Variants in HSD17B12 observed in about 807,000 individuals in gnomAD.
The protein encoded by HSD17B12 is hydroxysteroid 17-beta dehydrogenase 12, also known as very-long-chain 3-oxoacyl-CoA reductase.
A neutral mutation model predicts 39.3 loss-of-function variants in HSD17B12; 32 were observed. That is an observed-to-expected ratio of 0.81 (90% confidence interval 0.61 to 1.09). HSD17B12 has a LOEUF of 1.09. Among genes scored for constraint, HSD17B12 ranks in the 50% least tolerant of loss-of-function variants. HSD17B12 has a pLI of 0.00. For missense variants in HSD17B12, 342 were observed against 382.9 expected, an observed-to-expected ratio of 0.89 and a Z score of 0.89; for synonymous variants, 150 against 146.7, an observed-to-expected ratio of 1.02 and a Z score of -0.16.
At chr11:43,727,969 G>C (rs1950235808) in intron 1 of HSD17B12, among the ~76,000 whole-genome samples, 1 of 151,996 alleles carries the variant, frequency 6.6e-6, no homozygotes, top group Non-Finnish European at 1.5e-5. Flanking sequence ...TTCTGTCTGA[G>C]GCTTTAAATA....
At chr11:43,696,607 G>A (rs2134796445) in intron 1 of HSD17B12, among the ~76,000 whole-genome samples, 1 of 152,294 alleles carries the variant, frequency 6.6e-6, no homozygotes, top group East Asian at 1.9e-4. Context: ...AGACAGTGTG[G>A]CAGTTCCTCA....
chr11:43,772,630 T>C lies in HSD17B12; in HGVS notation c.283+18509T>C, dbSNP rs192405210. 3.9e-3 allele frequency among the ~76,000 whole-genome samples: 589 copies of C among 152,308 alleles called. 9 individuals are homozygous for C. Among genetic ancestry groups the C allele is most frequent in the Non-Finnish European group, 9.6e-4 (65 of 68,030 alleles). ...ACAGACTTTTAGGAGTGTTAATATATTTAAAAAGCAAGTAAAATGCCGATG... is the reference window on the plus strand; with the variant it reads ...ACAGACTTTTAGGAGTGTTAATATACTTAAAAAGCAAGTAAAATGCCGATG... On this transcript the variant is annotated intron_variant, in intron 3 of 10. Transcript: ENST00000278353.
intron 3 of HSD17B12, among the ~76,000 whole-genome samples, chr11:43,771,517 A>G (rs1235134295): frequency 8.2e-6 from 1 of 121,284 alleles, no homozygotes; most frequent in African/African-American, 3.3e-5. Flanking sequence ...CCTAGGCTGG[A>G]GTGCAGTGGG....
upstream of HSD17B12, among the ~76,000 whole-genome samples, chr11:43,679,766 A>G (rs1949723359): frequency 6.6e-6 from 1 of 152,052 alleles, no homozygotes; most frequent in Admixed American, 6.6e-5. Context: ...CAGTTATTAG[A>G]CTCCATCAGG....
chr11:43,807,187 C>T (rs751070449), intron 4 of HSD17B12, among the ~76,000 whole-genome samples: 7 of 152,132 alleles, frequency 4.6e-5, no homozygotes, highest in Non-Finnish European at 7.3e-5. Context: ...ACAAAACAGA[C>T]ACTGTTTCTG....
At position 43,831,809 on chromosome 11, in the gene HSD17B12, G is replaced by T. The variant is rs185692476; in HGVS notation, c.536+799G>T. The stretch of plus-strand genomic sequence containing the variant: ...CCCAGAGGAATCACAGCTTTGAAAA[G>T]GGAAGACCCAAGGACCCTACTTCTG... On this transcript the variant is annotated intron_variant, in intron 7 of 10. Coordinates refer to ENST00000278353, the MANE Select transcript of HSD17B12 (RefSeq NM_016142.3). The surrounding 1 kb of genome is among the most constrained non-coding windows in gnomAD (Gnocchi z 4.1). Among the ~76,000 whole-genome samples, 1 of 152,294 alleles carries T rather than the reference G, an allele frequency of 6.6e-6. No homozygotes were observed. Among genetic ancestry groups the T allele is most frequent in the East Asian group, 1.9e-4 (1 of 5,186 alleles).
the HSD17B12 span, chr11:43,673,480 TTCTTTTCTTTTC>T: frequency 3.4e-4 from 19 of 56,680 alleles, no homozygotes; most frequent in Non-Finnish European, 5.9e-4. Flanking sequence ...TTCTTTTCTT[TTCTTTTCTTTTC>T]TTTTTTTTTT....
At chr11:43,690,396 A>AT (rs1565049786) in intron 1 of HSD17B12, among the ~76,000 whole-genome samples, 1 of 27,416 alleles carries the variant, frequency 3.6e-5, no homozygotes, top group Non-Finnish European at 5.7e-5. Flanking sequence ...ATATATATAT[A>AT]TATATATATT....
At chr11:43,797,220 C>T (rs1036147610) in intron 3 of HSD17B12, among the ~76,000 whole-genome samples, 28 of 152,172 alleles carry the variant, frequency 1.8e-4, no homozygotes, top group African/African-American at 6.3e-4. Flanking sequence ...ATCCTGCATG[C>T]TCTGTGATGA....
the HSD17B12 span, among the ~76,000 whole-genome samples, chr11:43,568,920 A>C: frequency 1.6e-4 from 25 of 152,228 alleles, no homozygotes; most frequent in African/African-American, 5.1e-4. Context: ...GGAATTGGGA[A>C]TGACATAAGC....
At chr11:43,840,906 G>C (rs558630449) in intron 9 of HSD17B12, among the ~76,000 whole-genome samples, 2 of 152,158 alleles carry the variant, frequency 1.3e-5, no homozygotes, top group African/African-American at 4.8e-5. Flanking sequence ...GGAATTGCTG[G>C]GTCATATGGT....
chr11:43,621,512 C>G, the HSD17B12 span, among the ~76,000 whole-genome samples: 58,098 of 151,924 alleles, frequency 0.38, 12,530 homozygotes, highest in East Asian at 0.74. Flanking sequence ...CCCAGGAGTT[C>G]AAGACCAGCC....
intron 1 of HSD17B12, among the ~76,000 whole-genome samples, chr11:43,704,529 A>G (rs1949996322): frequency 1.3e-5 from 2 of 152,220 alleles, no homozygotes; most frequent in Non-Finnish European, 1.5e-5. Flanking sequence ...TGGCAGATAC[A>G]GTTGGTTGCT....
intron 6 of HSD17B12, among the ~76,000 whole-genome samples, chr11:43,828,432 C>T (rs977564110): frequency 1.3e-5 from 2 of 151,978 alleles, no homozygotes; most frequent in African/African-American, 2.4e-5. Context: ...TGAGCCACCG[C>T]GCCCGGCCAC....
the HSD17B12 span, among the ~76,000 whole-genome samples, chr11:43,667,610 A>G: frequency 6.6e-6 from 1 of 152,266 alleles, no homozygotes; most frequent in Non-Finnish European, 1.5e-5. Flanking sequence ...TTGCATATAC[A>G]TAATGAGATA....
At chr11:43,688,728 A>G (rs1418614308) in intron 1 of HSD17B12, among the ~76,000 whole-genome samples, 2 of 152,138 alleles carry the variant, frequency 1.3e-5, no homozygotes, top group African/African-American at 4.8e-5. Context: ...TAACAAACAG[A>G]TTGGCTTTGG....
the HSD17B12 span, among the ~76,000 whole-genome samples, chr11:43,598,039 T>C: frequency 6.6e-6 from 1 of 152,056 alleles, no homozygotes; most frequent in Non-Finnish European, 1.5e-5. Context: ...TGACCAGGAG[T>C]GATCTACTCA....
At chr11:43,644,358 TGTTA>T in the HSD17B12 span, 1 of 152,298 alleles carries the variant, frequency 6.6e-6, no homozygotes, top group Non-Finnish European at 1.5e-5. Flanking sequence ...GCCAAGGGCC[TGTTA>T]GTTGTGTTCC....
At chr11:43,783,060 A>G (rs1036927925) in intron 3 of HSD17B12, among the ~76,000 whole-genome samples, 1 of 152,222 alleles carries the variant, frequency 6.6e-6, no homozygotes, top group African/African-American at 2.4e-5. Flanking sequence ...TGTAATAATC[A>G]ATGTATCAAG....
Sources: gnomAD v4.1 joint callset for allele counts (sites outside exome capture counted in the v4.1 genomes callset) on GRCh38, gnomAD v4.1.1 for gene constraint, Gnocchi (gnomAD v3.1) non-coding constraint, MANE v1.5 for transcripts, NCBI Gene and HGNC (gene_info 2026-07-23, HGNC 2026-07-21) for gene names.